STAU1: variants seen among roughly 807,000 people sequenced by gnomAD.
STAU1 encodes the protein staufen double-stranded RNA binding protein 1, also known as double-stranded RNA-binding protein Staufen homolog 1.
In STAU1, 13 loss-of-function variants were observed where a neutral mutation model predicts 62.9. That is an observed-to-expected ratio of 0.21 (90% CI 0.13 to 0.33). The LOEUF is 0.33. STAU1 is among the 10% of genes least tolerant of loss of function. The pLI, the probability that STAU1 is intolerant of heterozygous loss-of-function variation, is 1.00. For missense variants in STAU1, 571 were observed against 712.1 expected, an observed-to-expected ratio of 0.80 and a Z score of 2.25; for synonymous variants, 269 against 265.1, an observed-to-expected ratio of 1.01 and a Z score of -0.14.
chr20:49,206,719 T>TATATATATA, the STAU1 span, among the ~76,000 whole-genome samples: 1 of 106,058 alleles, frequency 9.4e-6, no homozygotes, highest in South Asian at 3.2e-4. Context: ...AAATGAAATT[T>TATATATATA]TATATATATA....
the STAU1 span, among the ~76,000 whole-genome samples, chr20:49,206,999 C>G: frequency 1.3e-5 from 2 of 151,614 alleles, no homozygotes. Context: ...TGTGATCCAC[C>G]CGCCTTGGCC....
intron 5 of STAU1, among the ~76,000 whole-genome samples, chr20:49,151,331 C>G (rs900433763): frequency 6.6e-6 from 1 of 152,276 alleles, no homozygotes; most frequent in South Asian, 2.1e-4. Flanking sequence ...CGTGTTCACA[C>G]CGTATCATGT....
intron 6 of STAU1, among the ~76,000 whole-genome samples, chr20:49,125,534 G>GAAAAAAAA (rs527934630): frequency 1.3e-5 from 1 of 76,370 alleles, no homozygotes; most frequent in Non-Finnish European, 2.5e-5. Flanking sequence ...TGTCTCAAAG[G>GAAAAAAAA]AAAAAAAAAA....
intron 5 of STAU1, among the ~76,000 whole-genome samples, chr20:49,149,525 A>G (rs986379386): frequency 6.6e-6 from 1 of 152,228 alleles, no homozygotes; most frequent in African/African-American, 2.4e-5. Context: ...TGGAAGGACT[A>G]GAAATACCTA....
At chr20:49,218,040 AT>A in the STAU1 span, among the ~76,000 whole-genome samples, 1 of 143,908 alleles carries the variant, frequency 6.9e-6, no homozygotes, top group African/African-American at 2.6e-5. Context: ...TGCCCGGCTA[AT>A]TTTTTGTATT....
At chr20:49,135,727 C>T in intron 6 of STAU1, 106 bp downstream of exon 6, 1 of 827,604 alleles carries the variant, frequency 1.2e-6, no homozygotes, top group Non-Finnish European at 1.9e-6. Context: ...TGGAGGTTCA[C>T]ATTATGTGAA....
the STAU1 span, among the ~76,000 whole-genome samples, chr20:49,206,751 A>ATT: frequency 1.8e-4 from 17 of 95,024 alleles, no homozygotes; most frequent in South Asian, 9.6e-4. Context: ...ATATATATAT[A>ATT]TTTTATTTTA....
At chr20:49,211,201 A>G in the STAU1 span, among the ~76,000 whole-genome samples, 1 of 152,266 alleles carries the variant, frequency 6.6e-6, no homozygotes, top group East Asian at 1.9e-4. Flanking sequence ...TATACCACAA[A>G]TTGTTTATCC....
chr20:49,187,431 C>A lies in STAU1; in HGVS notation c.-160+685G>T, dbSNP rs571786799. Among the ~76,000 whole-genome samples, 6 of 152,272 alleles carry A rather than the reference C, an allele frequency of 3.9e-5. No individual in the cohort carries two copies. In the South Asian group the frequency reaches 1.2e-3, roughly 32 times the overall value. On this transcript the variant is annotated intron_variant, in intron 1 of 13. Coordinates refer to ENST00000371856, the MANE Select transcript of STAU1 (RefSeq NM_017453.4). ...GCGGAACACTGCAGCCTCTAAGAAA[C>A]CCAAACGGATAGGTAGGTCAACTTC...
chr20:49,154,151 T>A, intron 3 of STAU1, 80 bp from the exon 4 acceptor site: 5 of 1,391,630 alleles, frequency 3.6e-6, no homozygotes, highest in Non-Finnish European at 4.8e-6. Context: ...AATAGCATGC[T>A]TTCTGCTAAT....
chr20:49,137,652 T>C (rs1036770757), intron 5 of STAU1, among the ~76,000 whole-genome samples: 5 of 152,024 alleles, frequency 3.3e-5, no homozygotes, highest in African/African-American at 1.2e-4. Flanking sequence ...TTATCAGGTA[T>C]ATTCCACCTA....
chr20:49,126,867 G>A (rs969996752), intron 6 of STAU1, among the ~76,000 whole-genome samples: 4 of 150,822 alleles, frequency 2.7e-5, no homozygotes, highest in African/African-American at 7.4e-5. Context: ...GGAGCGGGGT[G>A]GGGGGAAGAA....
chr20:49,134,548 T>C, intron 6 of STAU1: 1 of 1,277,762 alleles, frequency 7.8e-7, no homozygotes, highest in Non-Finnish European at 1.1e-6. Context: ...CACTGTTACC[T>C]ATCAGAAGTC....
intron 1 of STAU1, among the ~76,000 whole-genome samples, chr20:49,175,648 T>TTTTTTA (rs1248982218): frequency 6.6e-6 from 1 of 150,802 alleles, no homozygotes; most frequent in African/African-American, 2.4e-5. Context: ...CCTGGCTAAT[T>TTTTTTA]TTTTTATTTT....
intron 2 of STAU1, among the ~76,000 whole-genome samples, chr20:49,171,945 C>T (rs1400559757): frequency 6.8e-6 from 1 of 147,940 alleles, no homozygotes; most frequent in Non-Finnish European, 1.5e-5. Flanking sequence ...AGAAACAAAT[C>T]ACTAAGTACC....
chr20:49,151,656 G>C lies in STAU1; in HGVS notation c.436C>G (p.Gln146Glu), dbSNP rs2093252212. 6.2e-7 allele frequency: 1 copy of C among 1,612,816 alleles called. No individual in the cohort carries two copies. ...QQFNGKGKTR[Q>E]AAKHDAAAKA... is the part of the protein sequence containing the mutation. ...GCAGCAGCATCGTGTTTCGCAGCCTGTCTTGTCTTTCCTTTGCCATTAAAT... is the reference window on the plus strand; with the variant it reads ...GCAGCAGCATCGTGTTTCGCAGCCTCTCTTGTCTTTCCTTTGCCATTAAAT... The change falls in exon 5 of 14, where the codon CAG (glutamine) becomes GAG (glutamate). Residue 146 changes from glutamine to glutamate, a missense_variant. Around this residue, in one of 3 missense-constraint regions of STAU1, gnomAD observed 414 missense variants for 499.6 expected, o/e 0.83. Coordinates refer to ENST00000371856, the MANE Select transcript of STAU1 (RefSeq NM_017453.4).
intron 2 of STAU1, among the ~76,000 whole-genome samples, chr20:49,172,205 A>G (rs2093606049): frequency 6.6e-6 from 1 of 152,202 alleles, no homozygotes; most frequent in Admixed American, 6.5e-5. Flanking sequence ...ACACTTCCTA[A>G]AAGAGATTTT....
chr20:49,192,820 A>G (rs2093832912), upstream of STAU1, among the ~76,000 whole-genome samples: 1 of 152,144 alleles, frequency 6.6e-6, no homozygotes, highest in Non-Finnish European at 1.5e-5. Context: ...ATTTAAAAAG[A>G]CATTGAATGA....
chr20:49,126,574 C>CAAAA (rs58056780), intron 6 of STAU1, among the ~76,000 whole-genome samples: 31 of 25,058 alleles, frequency 1.2e-3, no homozygotes, highest in Admixed American at 3.5e-3. Context: ...TCTCAAAAAG[C>CAAAA]AAAAAAAAAA....
Sources: gnomAD v4.1 joint callset for allele counts (sites outside exome capture counted in the v4.1 genomes callset) on GRCh38, gnomAD v4.1.1 for gene constraint, gnomAD v4.1.1 regional missense constraint, MANE v1.5 for transcripts, NCBI Gene and HGNC (gene_info 2026-07-23, HGNC 2026-07-21) for gene names.